The following TOGARAM2 variants were observed in gnomAD, a reference collection of about 807,000 sequenced individuals.
TOGARAM2 encodes TOG array regulator of axonemal microtubules 2.
TOGARAM2 carries 85 observed loss-of-function variants against 93.3 expected under a neutral mutation model. That is an observed-to-expected ratio of 0.91 (90% confidence interval 0.76 to 1.09). The LOEUF (loss-of-function observed/expected upper bound fraction) is 1.09, where lower values mean the gene tolerates loss of function less well. Ranked by LOEUF, TOGARAM2 falls within the 50% of genes least tolerant of loss-of-function variation. The probability of loss-of-function intolerance (pLI) is 0.00; values close to 1 mark genes in which losing one functional copy is unlikely to be tolerated. For missense variants in TOGARAM2, 1,277 were observed against 1,334.5 expected (o/e 0.96, Z 0.67); for synonymous variants, 593 against 552.8 (o/e 1.07, Z -1.02).
In TOGARAM2 at chr2:29,012,236, C is replaced by T. The variant is rs550097888; in HGVS notation, c.877+735C>T. Reference sequence around the variant, plus strand: ...CAGGGTGGGGAGGAGTTGGAGGCAGCCGCTCTACTGCCCGGCAGGAGGGGT... The same window carrying T: ...CAGGGTGGGGAGGAGTTGGAGGCAGTCGCTCTACTGCCCGGCAGGAGGGGT... On this transcript the variant is annotated intron_variant, in intron 7 of 19. Transcript: ENST00000379558. 2.0e-5 allele frequency among the ~76,000 whole-genome samples: 3 copies of T among 152,292 alleles called. No individual in the cohort carries two copies. In the East Asian group the frequency reaches 5.8e-4, roughly 29 times the overall value.
chr2:29,030,948 C>T (rs1356230410), intron 14 of TOGARAM2, among the ~76,000 whole-genome samples: 2 of 152,220 alleles, frequency 1.3e-5, no homozygotes, highest in African/African-American at 4.8e-5. Flanking sequence ...CTCTCCAAGT[C>T]TGCCTCTCTG....
chr2:29,006,785 C>T (rs1337197518), intron 6 of TOGARAM2, among the ~76,000 whole-genome samples: 1 of 152,104 alleles, frequency 6.6e-6, no homozygotes, highest in Non-Finnish European at 1.5e-5. Context: ...CAGCAGCTTG[C>T]TCCACTGACC....
chr2:29,036,484 TG>T, intron 17 of TOGARAM2, 56 bp from the exon 18 acceptor site: 2 of 1,572,040 alleles, frequency 1.3e-6, no homozygotes. Context: ...GCCTGCACTG[TG>T]GGAGTCCTGC....
chr2:28,999,581 G>T lies in TOGARAM2; in HGVS notation c.427+113G>T, dbSNP rs777702872. The T allele has an allele frequency of 7.6e-5, 95 of 1,243,822 alleles. No individual in the cohort carries two copies. The Middle Eastern group carries it at 1.2e-3, about 16-fold the overall frequency. The allele number at this position is 1,243,822 out of a possible 1,614,324, so 77.0% of individuals were successfully genotyped here. A position where few individuals can be genotyped will look rare whatever the true frequency, so the allele number is the denominator to read the frequency against. On this transcript the variant is annotated intron_variant, in intron 4 of 19. Coordinates refer to ENST00000379558, the MANE Select transcript of TOGARAM2 (RefSeq NM_199280.4). ...CCAGGTGGCATGCTGGGATGCCCTG[G>T]GGGTGATCGGTGGGTACATACCAGG...
intron 14 of TOGARAM2, among the ~76,000 whole-genome samples, chr2:29,027,803 T>A (rs1380105986): frequency 6.6e-6 from 1 of 151,946 alleles, no homozygotes; most frequent in Non-Finnish European, 1.5e-5. Flanking sequence ...CGGAGCCAGC[T>A]CTTTGAGGAT....
intron 10 of TOGARAM2, among the ~76,000 whole-genome samples, chr2:29,020,801 T>A (rs576733227): frequency 6.6e-6 from 1 of 152,240 alleles, no homozygotes; most frequent in East Asian, 1.9e-4. Flanking sequence ...TATTACCTCC[T>A]GCCTTTCAGA....
chr2:28,990,021 T>A (rs1672644294), intron 1 of TOGARAM2, among the ~76,000 whole-genome samples: 1 of 152,208 alleles, frequency 6.6e-6, no homozygotes, highest in Non-Finnish European at 1.5e-5. Context: ...CCTGACAACA[T>A]CCAGAGTCCT....
chr2:28,963,242 A>C (rs1671822799), intron 1 of TOGARAM2, among the ~76,000 whole-genome samples: 1 of 152,062 alleles, frequency 6.6e-6, no homozygotes, highest in Admixed American at 6.5e-5. Context: ...ATATATGAGG[A>C]TTTTCCAAAG....
intron 1 of TOGARAM2, among the ~76,000 whole-genome samples, chr2:28,991,348 C>T (rs1672723862): frequency 6.6e-6 from 1 of 152,018 alleles, no homozygotes; most frequent in Admixed American, 6.6e-5. Context: ...GGGAGGGGGG[C>T]CTAGATCTGA....
At chr2:28,991,890 G>T (rs987627347) in intron 1 of TOGARAM2, among the ~76,000 whole-genome samples, 1 of 152,198 alleles carries the variant, frequency 6.6e-6, no homozygotes, top group Non-Finnish European at 1.5e-5. Flanking sequence ...TACTTACCCC[G>T]GGTCGCCCCA....
upstream of TOGARAM2, among the ~76,000 whole-genome samples, chr2:28,976,393 A>C (rs1430320329): frequency 6.6e-6 from 1 of 152,026 alleles, no homozygotes; most frequent in Non-Finnish European, 1.5e-5. Flanking sequence ...AACAACAACA[A>C]CAAAAACCCA....
intron 8 of TOGARAM2, among the ~76,000 whole-genome samples, chr2:29,016,332 A>G (rs1341530658): frequency 6.6e-6 from 1 of 151,906 alleles, no homozygotes; most frequent in Non-Finnish European, 1.5e-5. Flanking sequence ...GCTGCCTCCT[A>G]AACACTCTTC....
chr2:28,969,331 T>G (rs1474545905), intron 1 of TOGARAM2, among the ~76,000 whole-genome samples: 1 of 152,168 alleles, frequency 6.6e-6, no homozygotes, highest in Admixed American at 6.5e-5. Flanking sequence ...CCACACAGCA[T>G]TTGTAGCTGC....
chr2:29,013,760 G>T (rs999723167), intron 7 of TOGARAM2, among the ~76,000 whole-genome samples: 3 of 152,198 alleles, frequency 2.0e-5, no homozygotes, highest in African/African-American at 7.2e-5. Flanking sequence ...ACTGAGGATG[G>T]GTCCTCCTCT....
At chr2:28,960,591 CG>C (rs1199754437) in intron 1 of TOGARAM2, among the ~76,000 whole-genome samples, 1 of 152,162 alleles carries the variant, frequency 6.6e-6, no homozygotes, top group Non-Finnish European at 1.5e-5. Context: ...AATCACACAC[CG>C]AGGAGACCAG....
intron 6 of TOGARAM2, among the ~76,000 whole-genome samples, chr2:29,005,795 TG>T (rs1663725626): frequency 6.7e-6 from 1 of 150,264 alleles, no homozygotes; most frequent in Non-Finnish European, 1.5e-5. Context: ...TGTGTGCATG[TG>T]TATGAGTGCA....
At chr2:28,998,343 C>T in intron 3 of TOGARAM2, 90 bp downstream of exon 3, 1 of 829,150 alleles carries the variant, frequency 1.2e-6, no homozygotes, top group Non-Finnish European at 1.9e-6. Context: ...TGTTCTCGAG[C>T]TACCAGCAGG....
At chr2:29,027,113 G>A in intron 14 of TOGARAM2, 102 bp downstream of exon 14, 1 of 1,222,290 alleles carries the variant, frequency 8.2e-7, no homozygotes, top group Non-Finnish European at 1.1e-6. Flanking sequence ...TCCTGCAGAG[G>A]GACAGGCAGG....
intron 1 of TOGARAM2, among the ~76,000 whole-genome samples, chr2:28,958,370 A>G (rs182449086): frequency 6.6e-6 from 1 of 150,462 alleles, no homozygotes; most frequent in East Asian, 2.0e-4. Context: ...CAGTGGCATG[A>G]TCATGGCTCA....
Sources: allele counts gnomAD v4.1 joint callset (sites outside exome capture counted in the v4.1 genomes callset), GRCh38; gene constraint gnomAD v4.1.1; transcripts MANE v1.5; gene names NCBI Gene and HGNC (gene_info 2026-07-23, HGNC 2026-07-21).